The following LEPR variants were observed in gnomAD, a reference collection of about 807,000 sequenced individuals.
The protein encoded by LEPR is OB receptor.
A neutral mutation model predicts 114.7 loss-of-function variants in LEPR; 56 were observed. The observed-to-expected ratio is 0.49, with a 90% CI of 0.39 to 0.61. LEPR has a LOEUF of 0.61. LEPR is among the 20% of genes least tolerant of loss of function. LEPR has a pLI of 0.00. For synonymous variants in LEPR, 443 were observed against 461.4 expected, an observed-to-expected ratio of 0.96 and a Z score of 0.51; for missense variants, 1,202 against 1,352.9, an observed-to-expected ratio of 0.89 and a Z score of 1.75.
intron 2 of LEPR, among the ~76,000 whole-genome samples, chr1:65,551,092 T>C (rs1652309116): frequency 6.6e-6 from 1 of 152,170 alleles, no homozygotes; most frequent in Non-Finnish European, 1.5e-5. Context: ...GATGAGCTTT[T>C]TGATGTGCTG....
chr1:65,470,309 G>A (rs72921461), intron 2 of LEPR, among the ~76,000 whole-genome samples: 2 of 152,166 alleles, frequency 1.3e-5, no homozygotes, highest in East Asian at 1.9e-4. Context: ...AGCCCCTCAC[G>A]GTGAAAGCAC....
intron 2 of LEPR, chr1:65,434,493 A>G: frequency 1.0e-6 from 1 of 985,254 alleles, no homozygotes; most frequent in South Asian, 4.7e-5. Flanking sequence ...TTTCCACAGA[A>G]ACAATACTAT....
At chr1:65,546,398 C>A (rs1364158023) in intron 2 of LEPR, among the ~76,000 whole-genome samples, 1 of 152,138 alleles carries the variant, frequency 6.6e-6, no homozygotes, top group Non-Finnish European at 1.5e-5. Context: ...TTACCTTGGG[C>A]AGTATGGCCA....
intron 1 of LEPR, 50 bp downstream of exon 1, chr1:65,420,790 C>T (rs775059549): frequency 5.1e-5 from 79 of 1,559,770 alleles, no homozygotes; most frequent in Non-Finnish European, 6.5e-5. Context: ...TTGCCACCTC[C>T]GTTCCGGTCA....
chr1:65,571,539 A>T (rs1442861129), intron 4 of LEPR, among the ~76,000 whole-genome samples: 1 of 151,946 alleles, frequency 6.6e-6, no homozygotes, highest in Non-Finnish European at 1.5e-5. Context: ...CAGTATGAAA[A>T]TACAGGCATA....
At chr1:65,495,624 AAT>A (rs1160297848) in intron 2 of LEPR, among the ~76,000 whole-genome samples, 1 of 152,212 alleles carries the variant, frequency 6.6e-6, no homozygotes, top group Non-Finnish European at 1.5e-5. Context: ...TGCTATTCAC[AAT>A]AGACAAGATA....
At chr1:65,429,902 TC>T in intron 2 of LEPR, 2 of 1,522,888 alleles carry the variant, frequency 1.3e-6, no homozygotes, top group South Asian at 1.3e-5. Flanking sequence ...CCACGCCATC[TC>T]CCCCATCCCC....
Position 65,618,133 on chromosome 1 carries a change from G to A in LEPR, c.2382G>A (p.Lys794=). Residue 794 remains lysine (K), a synonymous_variant, in exon 16 of 20, where the codon AAG becomes AAA. Transcript: ENST00000349533. ...TTAGAATCTCTTCATCTGTTAAGAA[G>A]TATTATATCCATGGTAAGTTTACTA... is the stretch of plus-strand genomic sequence containing the variant. The part of the protein sequence containing the change: ...KWLRISSSVK[K]YYIHDHFIPI... The A allele has an allele frequency of 1.2e-6, 2 of 1,606,666 alleles. No individual in the cohort carries two copies. The highest frequency in any genetic ancestry group is 1.3e-5 in the African/African-American group (1 of 74,868).
chr1:65,426,462 A>T (rs1646372346), intron 2 of LEPR, among the ~76,000 whole-genome samples: 1 of 152,140 alleles, frequency 6.6e-6, no homozygotes, highest in Admixed American at 6.5e-5. Context: ...TTAAAATGTC[A>T]TTCTTGCCAT....
At chr1:65,433,196 G>T in intron 2 of LEPR, 7 of 985,324 alleles carry the variant, frequency 7.1e-6, no homozygotes, top group Non-Finnish European at 8.4e-6. Flanking sequence ...AACAGTTCTG[G>T]TTTGCCCTGA....
intron 2 of LEPR, among the ~76,000 whole-genome samples, chr1:65,477,350 T>C (rs1284485898): frequency 6.6e-6 from 1 of 152,220 alleles, no homozygotes; most frequent in African/African-American, 2.4e-5. Context: ...TCTACTTTGC[T>C]CACTTCAGTA....
At chr1:65,616,905 G>A (rs181028881) in intron 15 of LEPR, among the ~76,000 whole-genome samples, 144 of 152,102 alleles carry the variant, frequency 9.5e-4, no homozygotes, top group African/African-American at 3.2e-3. Context: ...TGAAATCTTT[G>A]CTTATTGCTT....
In LEPR at chr1:65,598,679, C is replaced by G; in HGVS notation, c.869C>G (p.Ala290Gly). 1 of 1,613,386 alleles carries G rather than the reference C, an allele frequency of 6.2e-7. No individual in the cohort carries two copies. The highest frequency in any genetic ancestry group is 1.3e-5 in the African/African-American group (1 of 75,012). Residue 290 changes from alanine (A) to glycine (G), a missense_variant, in exon 8 of 20, where the codon GCT (alanine) becomes GGT (glycine). Coordinates refer to ENST00000349533, the MANE Select transcript of LEPR (RefSeq NM_002303.6). Reference sequence around the variant, plus strand: ...TAACAGGCTGACAAGATTGTCTCAGCTACATCCCTGCTAGTAGACAGTATA... The same window carrying G: ...TAACAGGCTGACAAGATTGTCTCAGGTACATCCCTGCTAGTAGACAGTATA... ...VIREADKIVS[A>G]TSLLVDSILP...
chr1:65,613,095 G>A (rs915769174), intron 14 of LEPR, among the ~76,000 whole-genome samples: 1 of 152,126 alleles, frequency 6.6e-6, no homozygotes, highest in Non-Finnish European at 1.5e-5. Flanking sequence ...AGATTTGTCT[G>A]TTCTCCCACA....
chr1:65,543,251 T>C (rs1651376473), intron 2 of LEPR, among the ~76,000 whole-genome samples: 1 of 152,078 alleles, frequency 6.6e-6, no homozygotes, highest in Admixed American at 6.5e-5. Context: ...GTTGGACACA[T>C]AAATGTCTTC....
At chr1:65,461,759 T>C (rs1261695287) in intron 2 of LEPR, among the ~76,000 whole-genome samples, 2 of 152,182 alleles carry the variant, frequency 1.3e-5, no homozygotes, top group Non-Finnish European at 2.9e-5. Context: ...ACTAACTTCA[T>C]AGTGGAAAAA....
chr1:65,604,186 C>T (rs1206396460), intron 10 of LEPR, among the ~76,000 whole-genome samples: 1 of 151,962 alleles, frequency 6.6e-6, no homozygotes, highest in Non-Finnish European at 1.5e-5. Context: ...TCATTTGCAT[C>T]CCTGCTTAGT....
rs1262503104 is a variant in LEPR at position 65,596,730 on chromosome 1, T to C, written c.849+137T>C. 4 of 754,630 alleles carry C rather than the reference T, an allele frequency of 5.3e-6. No homozygotes were observed. In the South Asian group the frequency reaches 5.5e-5, roughly 10 times the overall value. The allele number at this position is 754,630 out of a possible 1,614,324, so 46.7% of individuals were successfully genotyped here. A position where few individuals can be genotyped will look rare whatever the true frequency, so the allele number is the denominator to read the frequency against. On this transcript the variant is annotated intron_variant, in intron 7 of 19. Transcript: ENST00000349533. ...GAATGAATTATAATTCAACATTTCA[T>C]ATTATATATCATATATAGATAGATA...
intron 3 of LEPR, 134 bp from the exon 4 acceptor site, chr1:65,570,335 TATTC>T: frequency 1.3e-6 from 1 of 769,488 alleles, no homozygotes; most frequent in Non-Finnish European, 2.0e-6. Flanking sequence ...AGCACAAAGT[TATTC>T]ATTAGACACT....
Sources: allele counts gnomAD v4.1 joint callset (sites outside exome capture counted in the v4.1 genomes callset), GRCh38; gene constraint gnomAD v4.1.1; transcripts MANE v1.5; gene names NCBI Gene and HGNC (gene_info 2026-07-23, HGNC 2026-07-21).